Variants in TYR observed in about 807,000 individuals in gnomAD.
TYR encodes the protein LB24-AB.
TYR carries 58 observed loss-of-function variants against 51.5 expected under a neutral mutation model. The observed-to-expected ratio is 1.13, with a 90% confidence interval of 0.91 to 1.40. TYR has a LOEUF of 1.40. Ranked by LOEUF, TYR falls within the 40% of genes most tolerant of loss-of-function variation. The pLI, the probability that TYR is intolerant of heterozygous loss-of-function variation, is 0.00. For synonymous variants in TYR, 263 were observed against 235.2 expected (o/e 1.12, Z -1.08); for missense variants, 732 against 647.4 (o/e 1.13, Z -1.42).
chr11:89,221,990 T>C (rs1943917954), intron 2 of TYR, among the ~76,000 whole-genome samples: 1 of 152,240 alleles, frequency 6.6e-6, no homozygotes, highest in Non-Finnish European at 1.5e-5. Context: ...TATGTGCCAA[T>C]GCCTAGCCAG....
intron 4 of TYR, among the ~76,000 whole-genome samples, chr11:89,285,874 A>G (rs942943317): frequency 2.0e-5 from 3 of 151,818 alleles, no homozygotes; most frequent in Non-Finnish European, 4.4e-5. Flanking sequence ...AGTGTGGCTT[A>G]TGGGTAGGAG....
intron 3 of TYR, among the ~76,000 whole-genome samples, chr11:89,269,074 G>C (rs1387197194): frequency 6.6e-6 from 1 of 151,856 alleles, no homozygotes; most frequent in African/African-American, 2.4e-5. Context: ...AGATCAATGA[G>C]GATAGGGACT....
chr11:89,220,516 G>A (rs79807160), intron 2 of TYR, among the ~76,000 whole-genome samples: 3,686 of 152,216 alleles, frequency 0.024, 153 homozygotes, highest in African/African-American at 0.085. Flanking sequence ...ATTACTGAAT[G>A]ACCTTAGATA....
chr11:89,184,753 T>C (rs1436813850), intron 1 of TYR, among the ~76,000 whole-genome samples: 1 of 152,184 alleles, frequency 6.6e-6, no homozygotes, highest in Non-Finnish European at 1.5e-5. Context: ...AACATGTTCA[T>C]TGCCAGTAAG....
chr11:89,295,121 A>G (rs2048059690), intron 4 of TYR, 22 bp from the exon 5 acceptor site: 2 of 1,612,970 alleles, frequency 1.2e-6, no homozygotes, highest in Middle Eastern at 1.7e-4. Flanking sequence ...AATAAAAACA[A>G]TGGGATGTCT....
At chr11:89,228,417 G>C (rs942364723) in intron 3 of TYR, among the ~76,000 whole-genome samples, 1 of 152,130 alleles carries the variant, frequency 6.6e-6, no homozygotes, top group African/African-American at 2.4e-5. Context: ...TGTGGCCCCA[G>C]TACCCAAGGG....
chr11:89,184,293 C>A lies in TYR; in HGVS notation c.819+5521C>A, dbSNP rs543854120. On this transcript the variant is annotated intron_variant, in intron 1 of 4. Coordinates refer to ENST00000263321, the MANE Select transcript of TYR (RefSeq NM_000372.5). ...ATTTAACTGAGTTGGCTGTAGGAGT[C>A]TTTAAGGCAGCAGGATCTTTTGAAA... 5.3e-5 allele frequency among the ~76,000 whole-genome samples: 8 copies of A among 152,228 alleles called. No individual in the cohort carries two copies. In the South Asian group the frequency reaches 1.7e-3, roughly 32 times the overall value.
chr11:89,202,413 A>C (rs1338646964), intron 2 of TYR, among the ~76,000 whole-genome samples: 1 of 151,024 alleles, frequency 6.6e-6, no homozygotes, highest in Non-Finnish European at 1.5e-5. Flanking sequence ...ATGAAAATGA[A>C]GCAGTTTTTT....
At chr11:89,264,286 C>T (rs1388712666) in intron 3 of TYR, among the ~76,000 whole-genome samples, 2 of 151,994 alleles carry the variant, frequency 1.3e-5, no homozygotes, top group Non-Finnish European at 2.9e-5. Flanking sequence ...GGGGTAAAGT[C>T]TCCAAAGTCC....
intron 3 of TYR, among the ~76,000 whole-genome samples, chr11:89,280,015 C>A (rs571136295): frequency 6.6e-6 from 1 of 151,628 alleles, no homozygotes; most frequent in East Asian, 1.9e-4. Flanking sequence ...TTATTTTATA[C>A]AACTTTATTT....
At chr11:89,264,495 G>C (rs766073010) in intron 3 of TYR, among the ~76,000 whole-genome samples, 5 of 151,916 alleles carry the variant, frequency 3.3e-5, no homozygotes, top group Non-Finnish European at 7.4e-5. Context: ...AACCCTTGTG[G>C]AAGAGAGTGT....
In TYR at chr11:89,186,194, T is replaced by C. The variant is rs543788819; in HGVS notation, c.820-5008T>C. ...CAGGATGTGAGCACATGGAGAATGG[T>C]TGCCTGACTCGAGATATTTTTTGGA... is the stretch of plus-strand genomic sequence containing the variant. On this transcript the variant is annotated intron_variant, in intron 1 of 4. Coordinates refer to ENST00000263321, the MANE Select transcript of TYR (RefSeq NM_000372.5). 3.7e-4 allele frequency among the ~76,000 whole-genome samples: 56 copies of C among 152,266 alleles called. 1 individual carries two copies. The highest frequency in any genetic ancestry group is 3.3e-3 in the Admixed American group (50 of 15,278).
At chr11:89,245,702 T>C (rs1273280813) in intron 3 of TYR, among the ~76,000 whole-genome samples, 4 of 151,924 alleles carry the variant, frequency 2.6e-5, no homozygotes, top group Non-Finnish European at 4.4e-5. Flanking sequence ...GCGGGCGGAT[T>C]ATGAGGTCAG....
chr11:89,234,630 T>C (rs909698440), intron 3 of TYR, among the ~76,000 whole-genome samples: 1 of 142,098 alleles, frequency 7.0e-6, no homozygotes, highest in Non-Finnish European at 1.5e-5. Context: ...CCAATCTCAA[T>C]ATTTTTGTGT....
intron 3 of TYR, among the ~76,000 whole-genome samples, chr11:89,274,449 A>C (rs1041821856): frequency 6.6e-6 from 1 of 151,968 alleles, no homozygotes; most frequent in Non-Finnish European, 1.5e-5. Flanking sequence ...ATTGGCTCCT[A>C]TATTAAGCTG....
At chr11:89,217,333 C>G (rs1203584898) in intron 2 of TYR, among the ~76,000 whole-genome samples, 3 of 152,176 alleles carry the variant, frequency 2.0e-5, no homozygotes, top group African/African-American at 7.2e-5. Flanking sequence ...GAATTTCTTG[C>G]TCATCCAAAA....
In TYR at chr11:89,194,650, TTCTATCTA is replaced by T. The variant is rs34029150; in HGVS notation, c.1036+3259_1036+3266del. Among the ~76,000 whole-genome samples, 1,044 of 150,606 alleles carry T rather than the reference TTCTATCTA, an allele frequency of 6.9e-3. 7 individuals carry two copies. Among genetic ancestry groups the T allele is most frequent in the African/African-American group, 0.016 (649 of 40,804 alleles). On this transcript the variant is annotated intron_variant, in intron 2 of 4. Coordinates refer to ENST00000263321, the MANE Select transcript of TYR (RefSeq NM_000372.5). ...ACTATTAGCAAAAATCCTCCATTTT[TTCTATCTA>T]TCTATCTATCTATCTATCTATCTAT...
At chr11:89,192,520 T>C (rs1217549474) in intron 2 of TYR, among the ~76,000 whole-genome samples, 1 of 152,064 alleles carries the variant, frequency 6.6e-6, no homozygotes, top group African/African-American at 2.4e-5. Flanking sequence ...CTTTTTGTCA[T>C]TGTTTTACAC....
At chr11:89,210,362 G>GCATATCAGT (rs1555088304) in intron 2 of TYR, among the ~76,000 whole-genome samples, 2 of 121,848 alleles carry the variant, frequency 1.6e-5, no homozygotes, top group African/African-American at 6.6e-5. Flanking sequence ...GAGGAAGAAA[G>GCATATCAGT]GATTGAAGAT....
Sources: allele counts gnomAD v4.1 joint callset (sites outside exome capture counted in the v4.1 genomes callset), GRCh38; gene constraint gnomAD v4.1.1; transcripts MANE v1.5; gene names NCBI Gene and HGNC (gene_info 2026-07-23, HGNC 2026-07-21).